GFI1B: variants seen among roughly 807,000 people sequenced by gnomAD.
The protein encoded by GFI1B is zinc finger protein Gfi-1b.
Under a neutral mutation model 35.3 loss-of-function variants are expected in GFI1B, and 20 were observed. The observed-to-expected ratio is 0.57, with a 90% CI of 0.40 to 0.82. The LOEUF is 0.82. GFI1B is among the 40% of genes least tolerant of loss of function. GFI1B has a pLI of 0.00. For missense variants in GFI1B, 430 were observed against 446.3 expected, an observed-to-expected ratio of 0.96 and a Z score of 0.33; for synonymous variants, 178 against 177.6, an observed-to-expected ratio of 1.00 and a Z score of -0.02.
chr9:132,959,279 G>A (rs1848329781), intron 1 of GFI1B, among the ~76,000 whole-genome samples: 1 of 152,140 alleles, frequency 6.6e-6, no homozygotes, highest in South Asian at 2.1e-4. Flanking sequence ...GGTTTTATAA[G>A]GGGCTTTCCC....
intron 1 of GFI1B, among the ~76,000 whole-genome samples, chr9:132,969,652 G>A (rs1249280666): frequency 1.3e-5 from 2 of 152,194 alleles, no homozygotes; most frequent in African/African-American, 4.8e-5. Flanking sequence ...ATACCCGTGC[G>A]TGGGATTGCT....
intron 1 of GFI1B, among the ~76,000 whole-genome samples, chr9:132,958,885 G>T (rs1352133013): frequency 6.6e-6 from 1 of 152,178 alleles, no homozygotes; most frequent in African/African-American, 2.4e-5. Context: ...TTGGCATTCA[G>T]AAGGTAAATG....
chr9:132,958,444 A>G (rs1056959293), intron 1 of GFI1B, among the ~76,000 whole-genome samples: 13 of 152,202 alleles, frequency 8.5e-5, no homozygotes, highest in African/African-American at 3.1e-4. Flanking sequence ...AATGGAAAGC[A>G]GGCACGTCAC....
upstream of GFI1B, among the ~76,000 whole-genome samples, chr9:132,975,988 T>A (rs60038159): frequency 0.092 from 14,079 of 152,216 alleles, 721 homozygotes; most frequent in Middle Eastern, 0.14. Flanking sequence ...TGCTCTCCCA[T>A]CAAGGGGAAC....
chr9:132,968,433 T>C (rs929848862), intron 1 of GFI1B, among the ~76,000 whole-genome samples: 4 of 152,174 alleles, frequency 2.6e-5, no homozygotes, highest in Non-Finnish European at 4.4e-5. Context: ...GCAATATATG[T>C]ATTTTTAACA....
At chr9:132,958,218 G>T (rs1848311928) in intron 1 of GFI1B, among the ~76,000 whole-genome samples, 1 of 152,184 alleles carries the variant, frequency 6.6e-6, no homozygotes, top group Admixed American at 6.5e-5. Context: ...CAGGGGAATG[G>T]TGATGACAGC....
chr9:132,955,475 T>C (rs1320982642), intron 1 of GFI1B, among the ~76,000 whole-genome samples: 1 of 152,002 alleles, frequency 6.6e-6, no homozygotes, highest in East Asian at 1.9e-4. Flanking sequence ...ACATTTTTAT[T>C]AGAGGTGAAT....
intron 1 of GFI1B, among the ~76,000 whole-genome samples, chr9:132,986,244 C>T (rs955228412): frequency 4.0e-5 from 6 of 148,474 alleles, no homozygotes; most frequent in Non-Finnish European, 5.9e-5. Flanking sequence ...TGGCGGCTGT[C>T]GGCACTGCCT....
At position 132,991,018 on chromosome 9, in the gene GFI1B, C is replaced by T. The variant is rs765068455; in HGVS notation, c.961C>T (p.Arg321Trp). 10 of 1,613,912 alleles carry T rather than the reference C, an allele frequency of 6.2e-6. No homozygotes were observed. In the East Asian group the frequency reaches 8.9e-5, roughly 14 times the overall value. Residue 321 changes from arginine (R) to tryptophan (W), a missense_variant, in exon 7 of 7, where the codon CGG becomes TGG. Transcript: ENST00000372122. ...CTTCCAGCGCAAGGTGGACCTGCGG[C>T]GGCACCGCGAGAGCCAGCACAATCT... ...KGFQRKVDLR[R>W]HRESQHNLK
At chr9:132,986,304 G>T (rs1849058420) in intron 1 of GFI1B, among the ~76,000 whole-genome samples, 1 of 149,530 alleles carries the variant, frequency 6.7e-6, no homozygotes, top group South Asian at 2.1e-4. Context: ...TGTCGGCACT[G>T]CCTGGCATTC....
chr9:132,966,230 G>A (rs7019939), intron 1 of GFI1B, among the ~76,000 whole-genome samples: 34,575 of 151,920 alleles, frequency 0.23, 4,441 homozygotes, highest in African/African-American at 0.35. Context: ...GTGGTGGCGC[G>A]TACCTATAGT....
chr9:132,947,851 G>GGAATCA (rs532547363), intron 1 of GFI1B, among the ~76,000 whole-genome samples: 73 of 151,290 alleles, frequency 4.8e-4, no homozygotes, highest in African/African-American at 1.7e-3. Context: ...GTGACATACA[G>GGAATCA]GAATCAGAAG....
chr9:132,983,535 T>A (rs1848912893), intron 1 of GFI1B, among the ~76,000 whole-genome samples: 1 of 152,098 alleles, frequency 6.6e-6, no homozygotes, highest in South Asian at 2.1e-4. Flanking sequence ...TGCATTTCCC[T>A]CTGTGCTGCA....
At chr9:132,963,551 T>A (rs1848402318) in intron 1 of GFI1B, among the ~76,000 whole-genome samples, 1 of 152,030 alleles carries the variant, frequency 6.6e-6, no homozygotes, top group African/African-American at 2.4e-5. Flanking sequence ...TCATCCAGGC[T>A]GGAGTGCAGT....
intron 1 of GFI1B, among the ~76,000 whole-genome samples, chr9:132,956,305 T>A (rs966955996): frequency 1.4e-4 from 17 of 124,906 alleles, no homozygotes; most frequent in African/African-American, 5.3e-4. Context: ...TTGTTATTAT[T>A]TTTTTTTTGG....
At chr9:132,953,916 G>A (rs1482232100) in intron 1 of GFI1B, among the ~76,000 whole-genome samples, 2 of 151,978 alleles carry the variant, frequency 1.3e-5, no homozygotes, top group African/African-American at 4.8e-5. Flanking sequence ...CAGCCTGGGC[G>A]ACAGAGTGAG....
intron 1 of GFI1B, among the ~76,000 whole-genome samples, chr9:132,966,557 A>G (rs1848453597): frequency 6.6e-6 from 1 of 152,196 alleles, no homozygotes; most frequent in Non-Finnish European, 1.5e-5. Flanking sequence ...GGAATGATAG[A>G]ATTGGAAGAA....
At chr9:132,949,324 TACAC>T (rs60835289) in intron 1 of GFI1B, among the ~76,000 whole-genome samples, 3 of 137,958 alleles carry the variant, frequency 2.2e-5, no homozygotes, top group East Asian at 2.1e-4. Context: ...AACCCACAGA[TACAC>T]ACACACACAC....
intron 1 of GFI1B, 135 bp downstream of exon 1, chr9:132,978,976 G>T (rs1432589141): frequency 6.6e-6 from 1 of 152,282 alleles, no homozygotes; most frequent in Non-Finnish European, 1.5e-5. Context: ...GCTCTGGAAG[G>T]CAAGGAGCCA....
Sources: allele counts gnomAD v4.1 joint callset (sites outside exome capture counted in the v4.1 genomes callset), GRCh38; gene constraint gnomAD v4.1.1; transcripts MANE v1.5; gene names NCBI Gene and HGNC (gene_info 2026-07-23, HGNC 2026-07-21).